Variants in WNK1 observed in about 807,000 individuals in gnomAD.
The protein encoded by WNK1 is WNK lysine deficient protein kinase 1, also known as serine/threonine-protein kinase WNK1.
WNK1 carries 38 observed loss-of-function variants against 222.8 expected under a neutral mutation model. The observed-to-expected ratio is 0.17, with a 90% CI of 0.13 to 0.22. WNK1 has a LOEUF of 0.22. Ranked by LOEUF, WNK1 falls within the 10% of genes least tolerant of loss-of-function variation. The pLI is 1.00. For missense variants in WNK1, 2,348 were observed against 2,918.4 expected, an observed-to-expected ratio of 0.80 and a Z score of 4.50; for synonymous variants, 1,090 against 1,092.9, an observed-to-expected ratio of 1.00 and a Z score of 0.05.
chr12:753,845 G>A lies in WNK1; in HGVS notation c.280G>A (p.Glu94Lys). 1 of 1,612,632 alleles carries A rather than the reference G, an allele frequency of 6.2e-7. No individual in the cohort carries two copies. Among genetic ancestry groups the A allele is most frequent in the South Asian group, 1.1e-5 (1 of 91,088 alleles). ...VICDSNATAL[E>K]LPGLPLSLPQ... The stretch of plus-strand genomic sequence containing the variant: ...CTGTGACTCCAATGCCACTGCACTG[G>A]AGCTTCCCGGCCTTCCTCTTTCCCT... Residue 94 changes from glutamate (E) to lysine (K), a missense_variant, in exon 1 of 28, where the codon GAG (glutamate) becomes AAG (lysine). This residue lies in a region of WNK1 where 185 missense variants were observed against 159.2 expected (regional missense o/e 1.16). Transcript: ENST00000315939. This position sits in a 1 kb window ranked among gnomAD's most constrained non-coding sequence, Gnocchi z 5.2.
At chr12:824,924 A>G (rs1287404457) in intron 2 of WNK1, among the ~76,000 whole-genome samples, 1 of 152,206 alleles carries the variant, frequency 6.6e-6, no homozygotes, top group African/African-American at 2.4e-5. Flanking sequence ...TCCTCCATCC[A>G]TCTTATTCAT....
At chr12:797,029 T>G (rs1223017834) in intron 1 of WNK1, among the ~76,000 whole-genome samples, 1 of 152,222 alleles carries the variant, frequency 6.6e-6, no homozygotes, top group Non-Finnish European at 1.5e-5. Flanking sequence ...TCTTCTAAAA[T>G]TATATAAACA....
intron 2 of WNK1, among the ~76,000 whole-genome samples, chr12:815,273 T>A (rs1947253315): frequency 6.6e-6 from 1 of 152,220 alleles, no homozygotes; most frequent in African/African-American, 2.4e-5. Context: ...TTTTATTTGG[T>A]GAAATTGGAT....
At chr12:771,027 G>A (rs1051522696) in intron 1 of WNK1, among the ~76,000 whole-genome samples, 1 of 151,832 alleles carries the variant, frequency 6.6e-6, no homozygotes, top group Non-Finnish European at 1.5e-5. Flanking sequence ...CGGAGTCTTC[G>A]CTTTGTCTCG....
intron 1 of WNK1, among the ~76,000 whole-genome samples, chr12:800,486 TA>T (rs1408230783): frequency 2.0e-5 from 3 of 152,208 alleles, no homozygotes; most frequent in African/African-American, 7.2e-5. Context: ...ATATATAACT[TA>T]AAATTTACCA....
chr12:769,054 C>T (rs1040170913), intron 1 of WNK1, among the ~76,000 whole-genome samples: 5 of 151,906 alleles, frequency 3.3e-5, no homozygotes, highest in African/African-American at 4.8e-5. Context: ...ATGATCCACC[C>T]GCCTCAGCCT....
At chr12:828,303 C>T in intron 3 of WNK1, among the ~76,000 whole-genome samples, 1 of 152,070 alleles carries the variant, frequency 6.6e-6, no homozygotes, top group Middle Eastern at 3.4e-3. Flanking sequence ...AAGACTCCAT[C>T]TCCAAAATAA....
In WNK1 at chr12:910,469, CCAAT is replaced by C. The variant is rs72652265; in HGVS notation, c.*1680_*1683del. On this transcript the variant is annotated 3_prime_UTR_variant, in exon 28 of 28. Coordinates refer to ENST00000315939, the MANE Select transcript of WNK1 (RefSeq NM_018979.4). Reference sequence around the variant, plus strand: ...TACTCCCCGTAAGTAATAACTGCAACCAATCAGTGTTATTCAGTGCTATGCCTCC... The same window carrying C: ...TACTCCCCGTAAGTAATAACTGCAACCAGTGTTATTCAGTGCTATGCCTCC... 4.6e-5 allele frequency: 7 copies of C among 152,106 alleles called. No homozygotes were observed. Among genetic ancestry groups the C allele is most frequent in the Non-Finnish European group, 7.4e-5 (5 of 68,020 alleles). The allele number at this position is 152,106 out of a possible 1,614,324, so 9.4% of individuals were successfully genotyped here.
intron 1 of WNK1, among the ~76,000 whole-genome samples, chr12:802,470 CAGT>C (rs1426866801): frequency 6.6e-6 from 1 of 152,076 alleles, no homozygotes; most frequent in African/African-American, 2.4e-5. Context: ...GGGTCATAAA[CAGT>C]AGGTTTGGAG....
intron 4 of WNK1, among the ~76,000 whole-genome samples, chr12:839,906 T>A (rs2369492): frequency 0.46 from 64,961 of 140,422 alleles, 15,726 homozygotes; most frequent in East Asian, 0.79. Context: ...TTTTTTTTTT[T>A]AAGTAGAGAT....
At chr12:855,035 A>C (rs1321769644) in intron 4 of WNK1, among the ~76,000 whole-genome samples, 1 of 152,238 alleles carries the variant, frequency 6.6e-6, no homozygotes, top group Non-Finnish European at 1.5e-5. Context: ...AGGAGGGCCA[A>C]CTGTGCTCAG....
intron 2 of WNK1, among the ~76,000 whole-genome samples, chr12:823,610 TTCTGTC>T (rs1036137811): frequency 6.6e-6 from 1 of 152,244 alleles, no homozygotes. Flanking sequence ...TTTTTAAAGT[TTCTGTC>T]TCTGTTGATA....
intron 1 of WNK1, among the ~76,000 whole-genome samples, chr12:761,593 A>C (rs898101726): frequency 6.8e-6 from 1 of 147,898 alleles, no homozygotes. Context: ...AACACACACT[A>C]ATGTATAAAC....
chr12:811,686 T>C (rs1255184580), intron 1 of WNK1, among the ~76,000 whole-genome samples: 1 of 152,122 alleles, frequency 6.6e-6, no homozygotes, highest in Non-Finnish European at 1.5e-5. Context: ...CTCTAAGATA[T>C]TTTATGAAAT....
chr12:779,634 T>A (rs1469325599), intron 1 of WNK1, among the ~76,000 whole-genome samples: 1 of 152,116 alleles, frequency 6.6e-6, no homozygotes, highest in Non-Finnish European at 1.5e-5. Context: ...ATTCTTGACC[T>A]CAAGTGATCC....
intron 6 of WNK1, among the ~76,000 whole-genome samples, chr12:860,743 T>G (rs554016501): frequency 6.6e-5 from 10 of 152,292 alleles, no homozygotes; most frequent in African/African-American, 2.4e-4. Flanking sequence ...CCCTATTGTT[T>G]CGTTGTTTGT....
chr12:856,106 T>C (rs1009502098), intron 4 of WNK1, among the ~76,000 whole-genome samples: 1 of 151,850 alleles, frequency 6.6e-6, no homozygotes, highest in South Asian at 2.1e-4. Flanking sequence ...CCCAAAGTGC[T>C]GGGATTACAG....
intron 1 of WNK1, among the ~76,000 whole-genome samples, chr12:786,578 C>T (rs1208473255): frequency 6.6e-6 from 1 of 151,740 alleles, no homozygotes; most frequent in Non-Finnish European, 1.5e-5. Flanking sequence ...AGTGATTCTC[C>T]TGCCTCAGTT....
At chr12:908,151 AG>A in intron 27 of WNK1, 117 bp downstream of exon 27, 1 of 1,326,818 alleles carries the variant, frequency 7.5e-7, no homozygotes, top group Non-Finnish European at 1.1e-6. Context: ...TTAATACTTT[AG>A]AAAAACAAGG....
Sources: allele counts gnomAD v4.1 joint callset (sites outside exome capture counted in the v4.1 genomes callset), GRCh38; gene constraint gnomAD v4.1.1; regional missense constraint gnomAD v4.1.1; non-coding constraint Gnocchi (gnomAD v3.1); transcripts MANE v1.5; gene names NCBI Gene and HGNC (gene_info 2026-07-23, HGNC 2026-07-21).